Variants in EXOC4 observed in about 807,000 individuals in gnomAD.
EXOC4 encodes the protein SEC8-like 1.
A neutral mutation model predicts 107.2 loss-of-function variants in EXOC4; 71 were observed. The ratio of observed to expected loss-of-function variants is 0.66; its 90% CI spans 0.55 to 0.81. EXOC4 has a LOEUF of 0.81. Ranked by LOEUF, EXOC4 falls within the 30% of genes least tolerant of loss-of-function variation. The probability of loss-of-function intolerance (pLI) is 0.00; values close to 1 mark genes in which losing one functional copy is unlikely to be tolerated. For missense variants in EXOC4, 1,108 were observed against 1,189.6 expected, an observed-to-expected ratio of 0.93 and a Z score of 1.01; for synonymous variants, 456 against 441.2, an observed-to-expected ratio of 1.03 and a Z score of -0.42.
chr7:133,683,175 C>A (rs996204843), intron 10 of EXOC4, among the ~76,000 whole-genome samples: 1 of 152,146 alleles, frequency 6.6e-6, no homozygotes, highest in African/African-American at 2.4e-5. Flanking sequence ...TTGCATAGCT[C>A]ATTCTAGCTG....
At chr7:133,479,843 G>A (rs1437250609) in intron 8 of EXOC4, among the ~76,000 whole-genome samples, 1 of 152,260 alleles carries the variant, frequency 6.6e-6, no homozygotes, top group Non-Finnish European at 1.5e-5. Flanking sequence ...AAATACGGTT[G>A]TAAAGGAGCC....
intron 7 of EXOC4, among the ~76,000 whole-genome samples, chr7:133,399,264 A>T (rs548602442): frequency 2.6e-5 from 4 of 152,166 alleles, no homozygotes; most frequent in Non-Finnish European, 5.9e-5. Context: ...TTTTGTACAG[A>T]TTATATATAT....
intron 10 of EXOC4, among the ~76,000 whole-genome samples, chr7:133,807,961 C>A (rs759682253): frequency 6.6e-6 from 1 of 152,124 alleles, no homozygotes; most frequent in Non-Finnish European, 1.5e-5. Context: ...TATAAGCCTG[C>A]AGCGTCCAAA....
At chr7:133,707,055 C>T (rs971119403) in intron 10 of EXOC4, among the ~76,000 whole-genome samples, 3 of 151,352 alleles carry the variant, frequency 2.0e-5, no homozygotes, top group Non-Finnish European at 4.4e-5. Flanking sequence ...TGTGTGTGTA[C>T]ACATTAAGTG....
intron 10 of EXOC4, among the ~76,000 whole-genome samples, chr7:133,719,478 A>G (rs1049885053): frequency 6.6e-6 from 1 of 151,874 alleles, no homozygotes; most frequent in African/African-American, 2.4e-5. Flanking sequence ...TTTATTTTCC[A>G]GGAAGCCATG....
At chr7:133,416,780 A>T (rs988672009) in intron 7 of EXOC4, among the ~76,000 whole-genome samples, 1 of 152,158 alleles carries the variant, frequency 6.6e-6, no homozygotes, top group Non-Finnish European at 1.5e-5. Flanking sequence ...TTAAAGAAGG[A>T]TGGATGAATG....
chr7:133,630,022 G>A (rs1035565772), intron 9 of EXOC4, 23 bp from the exon 10 acceptor site: 3 of 1,567,932 alleles, frequency 1.9e-6, no homozygotes, highest in Non-Finnish European at 2.6e-6. Flanking sequence ...AGCTAAGTCT[G>A]TTTTTTTTCT....
At chr7:134,034,965 A>G (rs934088887) in intron 17 of EXOC4, among the ~76,000 whole-genome samples, 3 of 152,200 alleles carry the variant, frequency 2.0e-5, no homozygotes, top group Non-Finnish European at 2.9e-5. Flanking sequence ...TAGCTGAGAG[A>G]AAATAGAAGG....
At chr7:133,692,930 C>G (rs1794452534) in intron 10 of EXOC4, among the ~76,000 whole-genome samples, 1 of 152,108 alleles carries the variant, frequency 6.6e-6, no homozygotes, top group South Asian at 2.1e-4. Flanking sequence ...GTACCTTGGT[C>G]CTATGAAGTA....
chr7:134,004,880 T>C, intron 15 of EXOC4, 32 bp from the exon 16 acceptor site: 1 of 1,578,622 alleles, frequency 6.3e-7, no homozygotes, highest in Admixed American at 1.8e-5. Flanking sequence ...GGATTTATTA[T>C]TAACTGCTCT....
chr7:133,897,181 G>C (rs1211792681), intron 12 of EXOC4, among the ~76,000 whole-genome samples: 1 of 151,948 alleles, frequency 6.6e-6, no homozygotes, highest in Non-Finnish European at 1.5e-5. Context: ...GAATTTGGCA[G>C]AGGAATACAA....
intron 10 of EXOC4, among the ~76,000 whole-genome samples, chr7:133,755,222 G>GTA (rs926141045): frequency 4.9e-5 from 5 of 102,768 alleles, no homozygotes; most frequent in South Asian, 2.6e-4. Flanking sequence ...GTGTGTGTGT[G>GTA]TATATATATA....
At chr7:133,267,261 AAC>A (rs954072084) in intron 1 of EXOC4, among the ~76,000 whole-genome samples, 2 of 152,164 alleles carry the variant, frequency 1.3e-5, no homozygotes, top group African/African-American at 4.8e-5. Context: ...AGTTTCATAG[AAC>A]ACTCAGAGTA....
intron 9 of EXOC4, among the ~76,000 whole-genome samples, chr7:133,497,659 G>C (rs1217595266): frequency 1.3e-5 from 2 of 152,072 alleles, no homozygotes; most frequent in African/African-American, 4.8e-5. Context: ...TCAAACCCCT[G>C]ACCTCGTGTT....
intron 10 of EXOC4, among the ~76,000 whole-genome samples, chr7:133,737,236 G>T (rs531663085): frequency 6.6e-6 from 1 of 152,146 alleles, no homozygotes; most frequent in South Asian, 2.1e-4. Context: ...GTGTTCTATG[G>T]CTCCTTATTG....
intron 11 of EXOC4, among the ~76,000 whole-genome samples, chr7:133,849,433 A>G (rs1199562502): frequency 1.3e-5 from 2 of 152,166 alleles, no homozygotes; most frequent in Non-Finnish European, 2.9e-5. Context: ...ATTAAAAAAT[A>G]AAAAAAGAGC....
chr7:133,406,226 G>A (rs1451190845), intron 7 of EXOC4, among the ~76,000 whole-genome samples: 1 of 152,140 alleles, frequency 6.6e-6, no homozygotes, highest in Non-Finnish European at 1.5e-5. Context: ...CTTGAACCCA[G>A]GATAGGCTCC....
chr7:133,561,591 A>G (rs1369700313), intron 9 of EXOC4, among the ~76,000 whole-genome samples: 8 of 152,222 alleles, frequency 5.3e-5, no homozygotes, highest in Admixed American at 5.2e-4. Context: ...TGCTGACTCT[A>G]CAGCAGGTTC....
At chr7:133,711,437 C>T (rs983606379) in intron 10 of EXOC4, among the ~76,000 whole-genome samples, 13 of 152,238 alleles carry the variant, frequency 8.5e-5, no homozygotes, top group Non-Finnish European at 1.5e-4. Flanking sequence ...AAAATACACA[C>T]GATCACTTTT....
Sources: gnomAD v4.1 joint callset for allele counts (sites outside exome capture counted in the v4.1 genomes callset) on GRCh38, gnomAD v4.1.1 for gene constraint, MANE v1.5 for transcripts, NCBI Gene and HGNC (gene_info 2026-07-23, HGNC 2026-07-21) for gene names.